FLRT1: variants seen among roughly 807,000 people sequenced by gnomAD.
FLRT1 encodes fibronectin leucine rich transmembrane protein 1.
In FLRT1, 14 loss-of-function variants were observed where a neutral mutation model predicts 30.9. The ratio of observed to expected loss-of-function variants is 0.45; its 90% CI spans 0.30 to 0.71. FLRT1 has a LOEUF of 0.71. Ranked by LOEUF, FLRT1 falls within the 30% of genes least tolerant of loss-of-function variation. The pLI, the probability that FLRT1 is intolerant of heterozygous loss-of-function variation, is 0.08. For synonymous variants in FLRT1, 368 were observed against 430.4 expected (o/e 0.85, Z 1.80); for missense variants, 737 against 949.2 (o/e 0.78, Z 2.94).
At position 64,118,459 on chromosome 11, in the gene FLRT1, AAC is replaced by A; in HGVS notation, c.*169_*170del. ...GAGGGCTGACGATTTTGTAGAACAC[AAC>A]AGTGACAATTTTTTTTAAAAGAATA... is the stretch of plus-strand genomic sequence containing the variant. On this transcript the variant is annotated 3_prime_UTR_variant, in exon 3 of 3. Transcript: ENST00000682287. 1 of 676,082 alleles carries A rather than the reference AAC, an allele frequency of 1.5e-6. No homozygotes were observed. Among genetic ancestry groups the A allele is most frequent in the Non-Finnish European group, 2.3e-6 (1 of 442,800 alleles). The allele number at this position is 676,082 out of a possible 1,614,324, so 41.9% of individuals were successfully genotyped here. A position where few individuals can be genotyped will look rare whatever the true frequency, so the allele number is the denominator to read the frequency against.
chr11:64,118,338 C>T lies in FLRT1; in HGVS notation c.*46C>T, dbSNP rs754188520. ...CCCGCCTCAGCCCCAGCTGCCCTGGCGTGGCCATGTGGCTTTGCCCAGCCT... is the reference window on the plus strand; with the variant it reads ...CCCGCCTCAGCCCCAGCTGCCCTGGTGTGGCCATGTGGCTTTGCCCAGCCT... On this transcript the variant is annotated 3_prime_UTR_variant, in exon 3 of 3. Transcript: ENST00000682287. The T allele has an allele frequency of 1.3e-5, 20 of 1,507,846 alleles. No individual in the cohort carries two copies. The highest frequency in any genetic ancestry group is 8.8e-5 in the Admixed American group (4 of 45,674). 93.4% of individuals were successfully genotyped at this position (1,507,846 alleles called of 1,614,324 possible). A position where few individuals can be genotyped will look rare whatever the true frequency, so the allele number is the denominator to read the frequency against.
intron 1 of FLRT1, among the ~76,000 whole-genome samples, chr11:64,094,670 G>A (rs1273361497): frequency 2.6e-5 from 4 of 152,180 alleles, no homozygotes; most frequent in Non-Finnish European, 5.9e-5. Flanking sequence ...TGCTGCGGGC[G>A]GGACCATTTG....
At chr11:64,051,616 C>T (rs938245683) in intron 1 of FLRT1, among the ~76,000 whole-genome samples, 5 of 152,346 alleles carry the variant, frequency 3.3e-5, no homozygotes, top group East Asian at 1.9e-4. Context: ...GCCATTCCTG[C>T]GTGGAGCGGG....
In FLRT1 at chr11:64,036,687, C is replaced by T. The variant is rs539075316; in HGVS notation, c.-1038+528C>T. On this transcript the variant is annotated intron_variant, in intron 1 of 2. Transcript: ENST00000682287. The surrounding 1 kb of genome is among the most constrained non-coding windows in gnomAD (Gnocchi z 5.6). ...AAAACGACTTCAAGGGGGGCATGAG[C>T]AGCCTCCAACTTCCCTCCCTGTGCG... 6.6e-6 allele frequency among the ~76,000 whole-genome samples: 1 copy of T among 152,268 alleles called. No homozygotes were observed. The highest frequency in any genetic ancestry group is 1.9e-4 in the East Asian group (1 of 5,160).
chr11:64,116,843 C>A lies in FLRT1; in HGVS notation c.576C>A (p.Ile192=), dbSNP rs1230385221. The change falls in exon 3 of 3, where the codon ATC becomes ATA. Residue 192 remains isoleucine, a synonymous_variant. Coordinates refer to ENST00000682287, the MANE Select transcript of FLRT1 (RefSeq NM_013280.5). The part of the protein sequence containing the change: ...LFLSRNHLSS[I]PSGLPHTLEE... ...TGAGCCGGAACCACCTGAGCAGCAT[C>A]CCCTCGGGGCTGCCGCACACGCTGG... 3 of 1,612,806 alleles carry A rather than the reference C, an allele frequency of 1.9e-6. No homozygotes were observed. The highest frequency in any genetic ancestry group is 3.3e-5 in the Admixed American group (2 of 60,022).
intron 1 of FLRT1, among the ~76,000 whole-genome samples, chr11:64,066,973 C>T (rs149803080): frequency 0.012 from 1,798 of 152,314 alleles, 22 homozygotes; most frequent in South Asian, 0.052. Context: ...TCACACAGAG[C>T]CCAGCTGGCA....
At chr11:64,091,991 C>A (rs926833244) in intron 1 of FLRT1, among the ~76,000 whole-genome samples, 1 of 152,170 alleles carries the variant, frequency 6.6e-6, no homozygotes, top group Non-Finnish European at 1.5e-5. Context: ...TAGAGGACAG[C>A]GGGGCTGCCG....
chr11:64,053,145 G>A (rs1354819224), intron 1 of FLRT1, among the ~76,000 whole-genome samples: 1 of 152,228 alleles, frequency 6.6e-6, no homozygotes, highest in African/African-American at 2.4e-5. Context: ...CCAGGCTCAT[G>A]CGGGCCCCAG....
intron 1 of FLRT1, among the ~76,000 whole-genome samples, chr11:64,071,540 G>A (rs1377961559): frequency 6.6e-6 from 1 of 152,122 alleles, no homozygotes; most frequent in Non-Finnish European, 1.5e-5. Flanking sequence ...CAGACCAGGG[G>A]CCCACTCTGG....
At chr11:64,075,044 C>T (rs1944177083) in intron 1 of FLRT1, among the ~76,000 whole-genome samples, 7 of 152,202 alleles carry the variant, frequency 4.6e-5, no homozygotes, top group African/African-American at 1.2e-4. Context: ...CACCTGTGTG[C>T]GGACAGGGGG....
intron 1 of FLRT1, among the ~76,000 whole-genome samples, chr11:64,038,005 AGGGTCGGG>A (rs1355970418): frequency 6.6e-6 from 1 of 152,120 alleles, no homozygotes; most frequent in African/African-American, 2.4e-5. Flanking sequence ...GGGACTTCAG[AGGGTCGGG>A]GGGTCGGATT....
intron 1 of FLRT1, among the ~76,000 whole-genome samples, chr11:64,075,333 C>T (rs1253215701): frequency 6.6e-6 from 1 of 152,280 alleles, no homozygotes; most frequent in African/African-American, 2.4e-5. Context: ...AGACAGAAGT[C>T]ATCTTTCTGG....
chr11:64,118,005 G>C lies in FLRT1; in HGVS notation c.1738G>C (p.Ala580Pro), dbSNP rs1348807985. Residue 580 changes from alanine to proline, a missense_variant, in exon 3 of 3, where the codon GCT becomes CCT. Transcript: ENST00000682287. ...LGAICWYVHQ[A>P]GELLTRERAY... ...GGCCATCTGCTGGTACGTGCACCAG[G>C]CTGGCGAGCTGCTGACCCGGGAGAG... The C allele has an allele frequency of 3.7e-6, 6 of 1,613,536 alleles. No homozygotes were observed. The highest frequency in any genetic ancestry group is 5.1e-6 in the Non-Finnish European group (6 of 1,179,938).
At position 64,066,561 on chromosome 11, in the gene FLRT1, G is replaced by A. The variant is rs186420932; in HGVS notation, c.-1038+30402G>A. ...TTGAGCCTGGGAGGTCAAGGCTACA[G>A]TGCAGTATGATCCTACCTGTGAATA... is the stretch of plus-strand genomic sequence containing the variant. On this transcript the variant is annotated intron_variant, in intron 1 of 2. Transcript: ENST00000682287. Among the ~76,000 whole-genome samples the A allele has an allele frequency of 5.9e-5, 9 of 151,344 alleles. No individual in the cohort carries two copies. In the East Asian group the frequency reaches 1.6e-3, roughly 26 times the overall value.
rs1943383969 is a variant in FLRT1, at chr11:64,036,528, G to A, written c.-1038+369G>A. Among the ~76,000 whole-genome samples the A allele has an allele frequency of 6.6e-6, 1 of 152,112 alleles. No individual in the cohort carries two copies. Among genetic ancestry groups the A allele is most frequent in the Non-Finnish European group, 1.5e-5 (1 of 67,996 alleles). On this transcript the variant is annotated intron_variant, in intron 1 of 2. Coordinates refer to ENST00000682287, the MANE Select transcript of FLRT1 (RefSeq NM_013280.5). This position sits in a 1 kb window ranked among gnomAD's most constrained non-coding sequence, Gnocchi z 5.6. ...CCTGGCCCGTGGGGGGCGTCAGGCC[G>A]GTCATGTGGGTCCCAGCTCCCGCAC...
rs2134543214 is a variant in FLRT1, at chr11:64,096,794, G to T, written c.-1037-6400G>T. On this transcript the variant is annotated intron_variant, in intron 1 of 2. Transcript: ENST00000682287. This position sits in a 1 kb window ranked among gnomAD's most constrained non-coding sequence, Gnocchi z 4.6. ...CAGTGCCCCTCCCTGAGGGGAAGAG[G>T]GCAGGCCTGTGGGGGGCTGCCGTGT... 6.6e-6 allele frequency among the ~76,000 whole-genome samples: 1 copy of T among 152,320 alleles called. No individual in the cohort carries two copies. Among genetic ancestry groups the T allele is most frequent in the South Asian group, 2.1e-4 (1 of 4,830 alleles).
chr11:64,044,479 C>T (rs1943547612), intron 1 of FLRT1, among the ~76,000 whole-genome samples: 2 of 152,082 alleles, frequency 1.3e-5, no homozygotes, highest in Non-Finnish European at 2.9e-5. Flanking sequence ...GAACTCCTGG[C>T]CTCAAGCGAT....
At chr11:64,079,371 C>A (rs755691137) in intron 1 of FLRT1, among the ~76,000 whole-genome samples, 1 of 144,338 alleles carries the variant, frequency 6.9e-6, no homozygotes, top group African/African-American at 2.6e-5. Flanking sequence ...AGATTTGGAG[C>A]AAGGGATGAT....
chr11:64,042,771 T>C (rs543546857), intron 1 of FLRT1, among the ~76,000 whole-genome samples: 2 of 152,284 alleles, frequency 1.3e-5, no homozygotes, highest in South Asian at 2.1e-4. Flanking sequence ...ACTAGGTCCC[T>C]AGTAGCTGCC....
Sources: allele counts gnomAD v4.1 joint callset (sites outside exome capture counted in the v4.1 genomes callset), GRCh38; gene constraint gnomAD v4.1.1; non-coding constraint Gnocchi (gnomAD v3.1); transcripts MANE v1.5; gene names NCBI Gene and HGNC (gene_info 2026-07-23, HGNC 2026-07-21).